The following TMEM87A variants were observed in gnomAD, a reference collection of about 807,000 sequenced individuals.
The protein encoded by TMEM87A is transmembrane protein 87A.
TMEM87A carries 50 observed loss-of-function variants against 90.0 expected under a neutral mutation model. The observed-to-expected ratio is 0.56, with a 90% CI of 0.44 to 0.70. The LOEUF (loss-of-function observed/expected upper bound fraction) is 0.70. Among genes scored for constraint, TMEM87A ranks in the 30% least tolerant of loss-of-function variants. The probability of loss-of-function intolerance (pLI) is 0.00; values close to 1 mark genes in which losing one functional copy is unlikely to be tolerated. For synonymous variants in TMEM87A, 226 were observed against 226.7 expected (o/e 1.00, Z 0.03); for missense variants, 577 against 660.5 (o/e 0.87, Z 1.39).
intron 15 of TMEM87A, among the ~76,000 whole-genome samples, chr15:42,225,863 C>T (rs78323506): frequency 0.017 from 2,530 of 151,870 alleles, 71 homozygotes; most frequent in African/African-American, 0.059. Flanking sequence ...TATCTATCTC[C>T]CTTGTTTACT....
chr15:42,221,267 GAGAC>G lies in TMEM87A; in HGVS notation c.1404-1136_1404-1133del, dbSNP rs1162218071. On this transcript the variant is annotated intron_variant, in intron 15 of 19. Transcript: ENST00000389834. ...CCGTCAAGAAAAGAAAGGAGAGACA[GAGAC>G]AGAGAGAGAGAGAGAGAGAGAGAGA... is the stretch of plus-strand genomic sequence containing the variant. Among the ~76,000 whole-genome samples, 35 of 3,510 alleles carry G rather than the reference GAGAC, an allele frequency of 1.0e-2. 1 individual carries two copies. Among genetic ancestry groups the G allele is most frequent in the African/African-American group, 0.012 (35 of 2,998 alleles). The allele number at this position is 3,510 out of a possible 152,430, so 2.3% of individuals were successfully genotyped here. A position where few individuals can be genotyped will look rare whatever the true frequency, so the allele number is the denominator to read the frequency against.
intron 11 of TMEM87A, chr15:42,231,978 AGAGAATTACATAC>A: frequency 1.1e-6 from 1 of 917,848 alleles, no homozygotes; most frequent in South Asian, 1.6e-5. Context: ...TAGAAGTCTA[AGAGAATTACATAC>A]AGAGGACAGT....
In TMEM87A at chr15:42,264,092, G is replaced by C; in HGVS notation, c.403C>G (p.Gln135Glu). 4 of 1,607,924 alleles carry C rather than the reference G, an allele frequency of 2.5e-6. No individual in the cohort carries two copies. Among genetic ancestry groups the C allele is most frequent in the Non-Finnish European group, 3.4e-6 (4 of 1,176,148 alleles). Residue 135 changes from glutamine (Q) to glutamate (E), a missense_variant and splice_region_variant, in exon 4 of 20, where the codon CAG becomes GAG. Transcript: ENST00000389834. The part of the protein sequence containing the change: ...FQNCSELFKT[Q>E]TFSGDFMHRL... ...CTCCAATCACTTTCAAAGATTACCT[G>C]TGTTTTAAAGAGTTCACTGCAGTTC...
chr15:42,214,028 A>T (rs1240143711), intron 19 of TMEM87A, among the ~76,000 whole-genome samples: 2 of 152,252 alleles, frequency 1.3e-5, no homozygotes, highest in African/African-American at 4.8e-5. Flanking sequence ...AAACATTTTT[A>T]AAAATATGCC....
At chr15:42,247,175 T>C (rs1241684531) in intron 6 of TMEM87A, among the ~76,000 whole-genome samples, 1 of 152,258 alleles carries the variant, frequency 6.6e-6, no homozygotes, top group African/African-American at 2.4e-5. Context: ...AAGTTCTTCG[T>C]AGATTCTGGA....
chr15:42,224,426 T>G (rs1239399713), intron 15 of TMEM87A: 2 of 152,252 alleles, frequency 1.3e-5, no homozygotes, highest in African/African-American at 4.8e-5. Flanking sequence ...AATGTGTTAC[T>G]ACATTTTTGT....
chr15:42,239,596 T>C, intron 8 of TMEM87A, 74 bp downstream of exon 8: 2 of 1,230,040 alleles, frequency 1.6e-6, no homozygotes, highest in Non-Finnish European at 2.4e-6. Flanking sequence ...AAAAGAATAC[T>C]GCCACAAAAC....
At chr15:42,255,211 G>A (rs984592956) in intron 6 of TMEM87A, among the ~76,000 whole-genome samples, 2 of 151,892 alleles carry the variant, frequency 1.3e-5, no homozygotes, top group African/African-American at 2.4e-5. Flanking sequence ...TTGGCTCGCC[G>A]CTACCTCCAC....
At chr15:42,233,181 G>T in intron 11 of TMEM87A, 32 bp downstream of exon 11, 2 of 1,546,288 alleles carry the variant, frequency 1.3e-6, no homozygotes, top group South Asian at 2.2e-5. Context: ...TAATTGAACT[G>T]ACCACAGAAA....
At chr15:42,220,958 A>AT (rs773615702) in intron 15 of TMEM87A, among the ~76,000 whole-genome samples, 1 of 151,782 alleles carries the variant, frequency 6.6e-6, no homozygotes, top group Non-Finnish European at 1.5e-5. Context: ...TGCCTGGCCA[A>AT]TTTTTTGCAT....
chr15:42,260,958 G>A lies in TMEM87A; in HGVS notation c.504C>T (p.Thr168=), dbSNP rs1478898223. The part of the protein sequence containing the change: ...GTNLTFIGDK[T]AMHEPLQTWQ... ...GCCCCAAATCCCCAAATATACTTAC[G>A]GTTTTGTCTCCAATAAAGGTAAGGT... The change falls in exon 6 of 20, where the codon ACC becomes ACT. Residue 168 remains threonine (T), a splice_region_variant and synonymous_variant. Transcript: ENST00000389834. 8.1e-6 allele frequency: 13 copies of A among 1,605,864 alleles called. No homozygotes were observed. The East Asian group carries it at 9.0e-5, about 11-fold the overall frequency.
At chr15:42,242,077 A>G (rs1293539159) in intron 7 of TMEM87A, among the ~76,000 whole-genome samples, 2 of 150,832 alleles carry the variant, frequency 1.3e-5, no homozygotes, top group East Asian at 1.9e-4. Flanking sequence ...AAAAAAAAAA[A>G]GAAAAAAAAA....
chr15:42,255,087 C>G (rs1461987233), intron 6 of TMEM87A, among the ~76,000 whole-genome samples: 1 of 151,862 alleles, frequency 6.6e-6, no homozygotes, highest in African/African-American at 2.4e-5. Flanking sequence ...TTCAGCCTCC[C>G]CTGTAGCGGT....
At position 42,273,082 on chromosome 15, in the gene TMEM87A, T is replaced by C. The variant is rs952393400; in HGVS notation, c.144+173A>G. 6.6e-6 allele frequency: 5 copies of C among 753,582 alleles called. No homozygotes were observed. The African/African-American group carries it at 8.7e-5, about 13-fold the overall frequency. The allele number at this position is 753,582 out of a possible 1,614,324, so 46.7% of individuals were successfully genotyped here. A position where few individuals can be genotyped will look rare whatever the true frequency, so the allele number is the denominator to read the frequency against. On this transcript the variant is annotated intron_variant, in intron 1 of 19. Transcript: ENST00000389834. ...ATTCCCGCTAGCCTAATCACAGAAG[T>C]GCGCGGCTTTCCACTCCAGGGAGGT... is the stretch of plus-strand genomic sequence containing the variant.
intron 15 of TMEM87A, among the ~76,000 whole-genome samples, chr15:42,221,776 G>A (rs1009898401): frequency 6.6e-6 from 1 of 152,010 alleles, no homozygotes; most frequent in Non-Finnish European, 1.5e-5. Context: ...TTTGAGACAG[G>A]GTCTTGCTCT....
chr15:42,233,039 A>G, intron 11 of TMEM87A, 174 bp downstream of exon 11: 1 of 399,632 alleles, frequency 2.5e-6, no homozygotes, highest in Non-Finnish European at 4.4e-6. Context: ...TAAATTTACA[A>G]AGCTCTAATA....
In TMEM87A at chr15:42,273,354, C is replaced by T. The variant is rs768540778; in HGVS notation, c.45G>A (p.Leu15=). ...GTGGTGACGGGTGAGCTCCCAGAAG[C>T]AGAAGAATGACAGGCAACACCTGAA... The part of the protein sequence containing the change: ...AWLQVLPVIL[L]LLGAHPSPLS... The change falls in exon 1 of 20, where the codon CTG becomes CTA. Residue 15 remains leucine, a synonymous_variant. Coordinates refer to ENST00000389834, the MANE Select transcript of TMEM87A (RefSeq NM_015497.5). 1 of 1,614,054 alleles carries T rather than the reference C, an allele frequency of 6.2e-7. No individual in the cohort carries two copies. The highest frequency in any genetic ancestry group is 8.5e-7 in the Non-Finnish European group (1 of 1,180,058).
chr15:42,250,563 AATT>A (rs1156607415), intron 6 of TMEM87A, among the ~76,000 whole-genome samples: 1 of 152,142 alleles, frequency 6.6e-6, no homozygotes, highest in Non-Finnish European at 1.5e-5. Flanking sequence ...CTGGATTGAA[AATT>A]ATTTAAGAAT....
At chr15:42,220,278 C>T (rs1458041106) in intron 15 of TMEM87A, 143 bp from the exon 16 acceptor site, 9 of 627,532 alleles carry the variant, frequency 1.4e-5, no homozygotes, top group Non-Finnish European at 2.4e-5. Context: ...TCTTCCCCTT[C>T]AGAAAGCTCT....
Sources: allele counts gnomAD v4.1 joint callset (sites outside exome capture counted in the v4.1 genomes callset), GRCh38; gene constraint gnomAD v4.1.1; transcripts MANE v1.5; gene names NCBI Gene and HGNC (gene_info 2026-07-23, HGNC 2026-07-21).